Variants in PLEKHA6 observed in about 807,000 individuals in gnomAD.
PLEKHA6 encodes pleckstrin homology domain-containing family A member 6.
PLEKHA6 carries 60 observed loss-of-function variants against 116.7 expected under a neutral mutation model. That is an observed-to-expected ratio of 0.51 (90% CI 0.42 to 0.64). The LOEUF (loss-of-function observed/expected upper bound fraction) is 0.64. Ranked by LOEUF, PLEKHA6 falls within the 30% of genes least tolerant of loss-of-function variation. PLEKHA6 has a pLI of 0.00. For synonymous variants in PLEKHA6, 489 were observed against 556.1 expected (o/e 0.88, Z 1.70); for missense variants, 1,338 against 1,422.7 (o/e 0.94, Z 0.96).
At position 204,223,550 on chromosome 1, in the gene PLEKHA6, C is replaced by T; in HGVS notation, c.3067G>A (p.Ala1023Thr). ...GGGTTTGCTGGAGGAGCCGGGGAAG[C>T]AGGGGAGGTGGGAGGGCTTGGGGTG... ...CATPSPPTSP[A>T]SPAPPANPLS... Residue 1023 changes from alanine (A) to threonine (T), a missense_variant, in exon 22 of 23, where the codon GCT (alanine) becomes ACT (threonine). Ala to Thr is a moderately conservative substitution (Grantham distance 58, BLOSUM62 0). Transcript: ENST00000272203. This position sits in a 1 kb window ranked among gnomAD's most constrained non-coding sequence, Gnocchi z 4.8. 1 of 1,319,016 alleles carries T rather than the reference C, an allele frequency of 7.6e-7. No individual in the cohort carries two copies. The highest frequency in any genetic ancestry group is 9.9e-7 in the Non-Finnish European group (1 of 1,008,172). 81.7% of individuals were successfully genotyped at this position (1,319,016 alleles called of 1,614,324 possible).
Position 204,230,568 on chromosome 1 carries a change from C to T in PLEKHA6, c.2428G>A (p.Val810Met), listed in dbSNP as rs759317655. The T allele has an allele frequency of 6.2e-7, 1 of 1,604,948 alleles. No individual in the cohort carries two copies. The highest frequency in any genetic ancestry group is 8.5e-7 in the Non-Finnish European group (1 of 1,176,172). Reference protein sequence around the residue: ...LSSQERPKSAVFPGEGKVKMS... With the variant: ...LSSQERPKSAMFPGEGKVKMS... Reference sequence around the variant, plus strand: ...TTGACCTTCCCCTCGCCAGGAAACACAGCACTCTTGGGGCGTTCCTGCTGC... The same window carrying T: ...TTGACCTTCCCCTCGCCAGGAAACATAGCACTCTTGGGGCGTTCCTGCTGC... Residue 810 changes from valine (V) to methionine (M), a missense_variant, in exon 18 of 23, where the codon GTG becomes ATG. Physicochemically the swap from Val to Met is conservative, Grantham distance 21. Coordinates refer to ENST00000272203, the MANE Select transcript of PLEKHA6 (RefSeq NM_014935.5).
intron 1 of PLEKHA6, among the ~76,000 whole-genome samples, chr1:204,347,592 C>T (rs1049346944): frequency 2.0e-5 from 3 of 151,312 alleles, no homozygotes; most frequent in African/African-American, 4.9e-5. Context: ...ATTGGGGAAG[C>T]GATAAGTGTC....
chr1:204,372,120 T>C (rs1336522778), intron 1 of PLEKHA6, among the ~76,000 whole-genome samples: 2 of 152,164 alleles, frequency 1.3e-5, no homozygotes, highest in African/African-American at 4.8e-5. Context: ...GTGTCAACAA[T>C]GCTACATATT....
intron 1 of PLEKHA6, among the ~76,000 whole-genome samples, chr1:204,289,394 C>T (rs1213877624): frequency 2.6e-5 from 4 of 152,292 alleles, no homozygotes; most frequent in East Asian, 1.9e-4. Flanking sequence ...CTTGCCAGCC[C>T]GGATTTAGTA....
At chr1:204,365,146 A>C (rs1159877348) in intron 3 of PLEKHA6, among the ~76,000 whole-genome samples, 2 of 151,174 alleles carry the variant, frequency 1.3e-5, no homozygotes, top group Non-Finnish European at 2.9e-5. Flanking sequence ...CCAGGTGGGG[A>C]GTGTGGGAGG....
rs533496569 is a variant in PLEKHA6 at position 204,235,624 on chromosome 1, G to T, written c.2410-5038C>A. Among the ~76,000 whole-genome samples, 6 of 152,296 alleles carry T rather than the reference G, an allele frequency of 3.9e-5. No individual in the cohort carries two copies. In the South Asian group the frequency reaches 1.2e-3, roughly 32 times the overall value. On this transcript the variant is annotated intron_variant, in intron 17 of 22. Coordinates refer to ENST00000272203, the MANE Select transcript of PLEKHA6 (RefSeq NM_014935.5). ...GCCTTGCCAGGCGTCTATTGTTAAA[G>T]TGAGGGCATTGATTGGAAAAGAATG... is the stretch of plus-strand genomic sequence containing the variant.
chr1:204,241,799 C>T lies in PLEKHA6; in HGVS notation c.2188G>A (p.Glu730Lys), dbSNP rs1353557133. The change falls in exon 16 of 23, where the codon GAA (glutamate) becomes AAA (lysine). Residue 730 changes from glutamate (E) to lysine (K), a missense_variant. Glu to Lys is a moderately conservative substitution (Grantham distance 56, BLOSUM62 1). Around this residue, in one of 3 missense-constraint regions of PLEKHA6, gnomAD observed 1,136 missense variants for 1,163.6 expected, o/e 0.98. Transcript: ENST00000272203. ...TGGTGGGGGTCTTTCTTGCTTTGTT[C>T]ATAGTTTGCCTTGGGCTGGGGAGAA... ...PGSNEPKANY[E>K]QSKKDPHQTL... is the part of the protein sequence containing the mutation. 1.2e-6 allele frequency: 2 copies of T among 1,614,106 alleles called. No individual in the cohort carries two copies. The highest frequency in any genetic ancestry group is 1.7e-6 in the Non-Finnish European group (2 of 1,180,004).
intron 1 of PLEKHA6, chr1:204,347,174 TG>T: frequency 8.7e-7 from 1 of 1,142,990 alleles, no homozygotes; most frequent in Non-Finnish European, 1.3e-6. Context: ...CGCATATACG[TG>T]GCCAAAGGAA....
chr1:204,267,762 C>T (rs1558106015), intron 4 of PLEKHA6, among the ~76,000 whole-genome samples: 1 of 152,146 alleles, frequency 6.6e-6, no homozygotes, highest in East Asian at 1.9e-4. Context: ...TCATTCAGTG[C>T]CTCCCCTGGG....
At chr1:204,300,284 CCTT>C (rs2103080502) in intron 1 of PLEKHA6, among the ~76,000 whole-genome samples, 1 of 152,286 alleles carries the variant, frequency 6.6e-6, no homozygotes, top group Non-Finnish European at 1.5e-5. Flanking sequence ...TGAGGACAAT[CCTT>C]CTCTCAAGAC....
intron 15 of PLEKHA6, chr1:204,243,179 T>C: frequency 2.5e-6 from 1 of 399,230 alleles, no homozygotes. Flanking sequence ...CAGAAGCGGC[T>C]CTCGCTAGGG....
intron 9 of PLEKHA6, chr1:204,256,865 C>A: frequency 1.5e-6 from 1 of 664,020 alleles, no homozygotes; most frequent in South Asian, 1.6e-5. Flanking sequence ...CAGGGACTGG[C>A]CGCCTGTCTC....
chr1:204,368,413 G>T (rs1673710817), intron 2 of PLEKHA6: 1 of 151,964 alleles, frequency 6.6e-6, no homozygotes, highest in African/African-American at 2.4e-5. Context: ...TCAGCCCCAG[G>T]AAAATGAAGA....
At chr1:204,320,079 A>G (rs1449334441) in intron 1 of PLEKHA6, among the ~76,000 whole-genome samples, 4 of 152,312 alleles carry the variant, frequency 2.6e-5, no homozygotes, top group Admixed American at 2.0e-4. Context: ...GGAAGCCACA[A>G]GACTTAAGAC....
chr1:204,296,792 C>T (rs1486483623), intron 1 of PLEKHA6, among the ~76,000 whole-genome samples: 1 of 152,248 alleles, frequency 6.6e-6, no homozygotes, highest in Non-Finnish European at 1.5e-5. Flanking sequence ...TCTCCAGCCT[C>T]CTCCCACACA....
At chr1:204,353,703 T>C (rs1195772902) in intron 1 of PLEKHA6, among the ~76,000 whole-genome samples, 3 of 152,184 alleles carry the variant, frequency 2.0e-5, no homozygotes, top group Non-Finnish European at 4.4e-5. Context: ...GAACTATTAT[T>C]CCCATTTTAG....
At chr1:204,235,776 G>A (rs1031216276) in intron 17 of PLEKHA6, among the ~76,000 whole-genome samples, 3 of 152,078 alleles carry the variant, frequency 2.0e-5, no homozygotes, top group African/African-American at 7.2e-5. Context: ...TTGCCAGAAG[G>A]AACAGCTTCT....
chr1:204,321,533 A>C (rs1672062423), intron 1 of PLEKHA6, among the ~76,000 whole-genome samples: 1 of 151,094 alleles, frequency 6.6e-6, no homozygotes. Context: ...GCCTCTGTGC[A>C]TGCTGTTTCT....
chr1:204,244,720 G>A, intron 15 of PLEKHA6, 144 bp downstream of exon 15: 1 of 555,418 alleles, frequency 1.8e-6, no homozygotes, highest in East Asian at 3.5e-5. Flanking sequence ...TGGGGTGTGA[G>A]AATGACCTCC....
Sources: gnomAD v4.1 joint callset for allele counts (sites outside exome capture counted in the v4.1 genomes callset) on GRCh38, gnomAD v4.1.1 for gene constraint, gnomAD v4.1.1 regional missense constraint, Gnocchi (gnomAD v3.1) non-coding constraint, MANE v1.5 for transcripts, NCBI Gene and HGNC (gene_info 2026-07-23, HGNC 2026-07-21) for gene names.